The following RAPGEF1 variants were observed in gnomAD, a reference collection of about 807,000 sequenced individuals.
RAPGEF1 encodes Rap guanine nucleotide exchange factor 1.
RAPGEF1 carries 33 observed loss-of-function variants against 143.3 expected under a neutral mutation model. The observed-to-expected ratio is 0.23, with a 90% CI of 0.17 to 0.31. The LOEUF (loss-of-function observed/expected upper bound fraction) is 0.31. RAPGEF1 is among the 10% of genes least tolerant of loss of function. RAPGEF1 has a pLI of 1.00. For missense variants in RAPGEF1, 1,199 were observed against 1,645.4 expected (o/e 0.73, Z 4.69); for synonymous variants, 629 against 676.5 (o/e 0.93, Z 1.09).
chr9:131,678,980 A>C (rs376503591), intron 1 of RAPGEF1, among the ~76,000 whole-genome samples: 2 of 152,166 alleles, frequency 1.3e-5, no homozygotes, highest in South Asian at 2.1e-4. Context: ...TAGCTAGACA[A>C]AACAGGCCAG....
chr9:131,646,319 G>A lies in RAPGEF1; in HGVS notation c.316-2902C>T, dbSNP rs80275097. On this transcript the variant is annotated intron_variant, in intron 3 of 26. Transcript: ENST00000683357. ...TCTGTCTGAGTTCAGAGCCTGGAGA[G>A]ATAGAGAGGAGAATAAAGACCAGAT... is the stretch of plus-strand genomic sequence containing the variant. Among the ~76,000 whole-genome samples the A allele has an allele frequency of 2.6e-3, 395 of 152,306 alleles. 2 individuals are homozygous for A. Among genetic ancestry groups the A allele is most frequent in the African/African-American group, 9.1e-3 (380 of 41,550 alleles).
chr9:131,704,352 G>A (rs1834891918), intron 1 of RAPGEF1, among the ~76,000 whole-genome samples: 1 of 151,296 alleles, frequency 6.6e-6, no homozygotes, highest in African/African-American at 2.4e-5. Context: ...CTATGGCAGA[G>A]CAACCACTGG....
At chr9:131,681,879 C>T (rs930366248) in intron 1 of RAPGEF1, among the ~76,000 whole-genome samples, 2 of 152,072 alleles carry the variant, frequency 1.3e-5, no homozygotes, top group East Asian at 3.8e-4. Context: ...TTTTATAGCT[C>T]GGTTACGGGA....
intron 1 of RAPGEF1, among the ~76,000 whole-genome samples, chr9:131,664,038 G>C (rs914688046): frequency 6.6e-6 from 1 of 152,076 alleles, no homozygotes; most frequent in African/African-American, 2.4e-5. Flanking sequence ...TATGGACCTG[G>C]GTGTTCATTT....
At position 131,604,885 on chromosome 9, in the gene RAPGEF1, GGTGTGTGTGTGTGT is replaced by G. The variant is rs58627149; in HGVS notation, c.2319+32_2319+45del. The G allele has an allele frequency of 9.5e-5, 113 of 1,192,782 alleles. No homozygotes were observed. In the Middle Eastern group the frequency reaches 2.8e-3, roughly 29 times the overall value. 73.9% of individuals were successfully genotyped at this position (1,192,782 alleles called of 1,614,324 possible). On this transcript the variant is annotated intron_variant, in intron 13 of 26. Transcript: ENST00000683357. The stretch of plus-strand genomic sequence containing the variant: ...AAAAACGTGCAGCCCCATGTGCAGG[GGTGTGTGTGTGTGT>G]GTGTGTGTGTGTGTGCACGCTGAGT...
intron 1 of RAPGEF1, among the ~76,000 whole-genome samples, chr9:131,654,257 C>T (rs951865161): frequency 1.3e-5 from 2 of 151,770 alleles, no homozygotes; most frequent in African/African-American, 4.8e-5. Flanking sequence ...GAACTGTACC[C>T]TTTTTGAATG....
intron 1 of RAPGEF1, among the ~76,000 whole-genome samples, chr9:131,718,222 G>A (rs539077154): frequency 6.6e-6 from 1 of 152,326 alleles, no homozygotes; most frequent in South Asian, 2.1e-4. Flanking sequence ...AGGAACACCT[G>A]GAAGAAGAGC....
intron 20 of RAPGEF1, 131 bp from the exon 21 acceptor site, chr9:131,588,157 G>A (rs991084364): frequency 1.3e-5 from 10 of 773,312 alleles, no homozygotes; most frequent in South Asian, 3.3e-5. Flanking sequence ...GCTACAGGGC[G>A]GGGAAGCCCC....
In RAPGEF1 at chr9:131,621,817, T is replaced by C. The variant is rs1022252940; in HGVS notation, c.1884A>G (p.Leu628=). The C allele has an allele frequency of 1.9e-6, 3 of 1,607,192 alleles. No homozygotes were observed. The highest frequency in any genetic ancestry group is 1.3e-5 in the African/African-American group (1 of 74,682). ...SVQELAPPPA[L]PPKQRQLASC... is the part of the protein sequence containing the mutation. ...TCACCAGCTGCCGCTGCTTGGGGGGTAGGGCGGGCGGCGGGGCCAGCTCCT... is the reference window on the plus strand; with the variant it reads ...TCACCAGCTGCCGCTGCTTGGGGGGCAGGGCGGGCGGCGGGGCCAGCTCCT... Residue 628 remains leucine, a synonymous_variant, in exon 11 of 27, where the codon CTA becomes CTG. Transcript: ENST00000683357. This position sits in a 1 kb window ranked among gnomAD's most constrained non-coding sequence, Gnocchi z 4.5.
intron 1 of RAPGEF1, among the ~76,000 whole-genome samples, chr9:131,716,015 G>A (rs1202301807): frequency 6.6e-6 from 1 of 152,144 alleles, no homozygotes; most frequent in Non-Finnish European, 1.5e-5. Context: ...CTCTCCCACA[G>A]CTAGCCCGCC....
chr9:131,630,905 C>T lies in RAPGEF1; in HGVS notation c.652-581G>A, dbSNP rs61602216. On this transcript the variant is annotated intron_variant, in intron 5 of 26. Transcript: ENST00000683357. ...AAAAGAAAAATAGCCTTTTTCAAAT[C>T]GTAGCAAAAGAAAAAAAAGGGAAGA... Among the ~76,000 whole-genome samples the T allele has an allele frequency of 3.6e-3, 530 of 149,036 alleles. 1 individual carries two copies. Among genetic ancestry groups the T allele is most frequent in the African/African-American group, 0.013 (511 of 40,710 alleles).
chr9:131,672,654 C>A (rs1831598177), intron 1 of RAPGEF1, among the ~76,000 whole-genome samples: 1 of 152,184 alleles, frequency 6.6e-6, no homozygotes, highest in South Asian at 2.1e-4. Context: ...CAGCACAGCC[C>A]AGGGCACATG....
At chr9:131,673,514 C>T (rs1178075289) in intron 1 of RAPGEF1, among the ~76,000 whole-genome samples, 4 of 152,234 alleles carry the variant, frequency 2.6e-5, no homozygotes, top group Admixed American at 2.6e-4. Context: ...CCACCTTTTA[C>T]ATTTAAGATG....
chr9:131,580,199 G>A (rs1009715873), intron 26 of RAPGEF1, 64 bp downstream of exon 26: 12 of 1,590,464 alleles, frequency 7.5e-6, no homozygotes, highest in Non-Finnish European at 1.0e-5. Flanking sequence ...GTCCCGGGCT[G>A]TCTCTCCTTG....
intron 1 of RAPGEF1, among the ~76,000 whole-genome samples, chr9:131,669,876 C>T (rs1448454021): frequency 6.6e-6 from 1 of 152,166 alleles, no homozygotes; most frequent in African/African-American, 2.4e-5. Context: ...ATGTATTGGC[C>T]CCCACTATGT....
At chr9:131,601,550 T>C (rs975737156) in intron 15 of RAPGEF1, among the ~76,000 whole-genome samples, 4 of 152,236 alleles carry the variant, frequency 2.6e-5, no homozygotes, top group Non-Finnish European at 2.9e-5. Flanking sequence ...TCTTGCTTTC[T>C]TGCAGTTTTC....
In RAPGEF1 at chr9:131,725,995, G is replaced by C. The variant is rs538266387; in HGVS notation, c.61+13775C>G. 1.2e-3 allele frequency among the ~76,000 whole-genome samples: 187 copies of C among 151,862 alleles called. 1 individual carries two copies. The Middle Eastern group carries it at 0.024, about 19-fold the overall frequency. On this transcript the variant is annotated intron_variant, in intron 1 of 26. Transcript: ENST00000683357. ...AGGATGGTCTCAATCTCCTGACCTC[G>C]TGATTCACCCGCCTCAGCCTCCCAA...
In RAPGEF1 at chr9:131,650,338, T is replaced by C. The variant is rs765355624; in HGVS notation, c.202-96A>G. 4.8e-5 allele frequency: 45 copies of C among 937,380 alleles called. No individual in the cohort carries two copies. The highest frequency in any genetic ancestry group is 6.5e-5 in the Non-Finnish European group (40 of 617,600). 58.1% of individuals were successfully genotyped at this position (937,380 alleles called of 1,614,324 possible). Reference sequence around the variant, plus strand: ...GAAAGTCAATAGCTGTTTCAACATATCTGGCTTGACTGGCCCTGCTGAGGC... The same window carrying C: ...GAAAGTCAATAGCTGTTTCAACATACCTGGCTTGACTGGCCCTGCTGAGGC... On this transcript the variant is annotated intron_variant, in intron 2 of 26. Transcript: ENST00000683357. The surrounding 1 kb of genome is among the most constrained non-coding windows in gnomAD (Gnocchi z 4.7).
chr9:131,693,546 T>C (rs1486095957), intron 1 of RAPGEF1, among the ~76,000 whole-genome samples: 1 of 152,204 alleles, frequency 6.6e-6, no homozygotes, highest in Non-Finnish European at 1.5e-5. Context: ...AAAGTAACTC[T>C]GAAACAACCA....
Sources: allele counts gnomAD v4.1 joint callset (sites outside exome capture counted in the v4.1 genomes callset), GRCh38; gene constraint gnomAD v4.1.1; non-coding constraint Gnocchi (gnomAD v3.1); transcripts MANE v1.5; gene names NCBI Gene and HGNC (gene_info 2026-07-23, HGNC 2026-07-21).